The following GRID2 variants were observed in gnomAD, a reference collection of about 807,000 sequenced individuals.
GRID2 encodes glutamate ionotropic receptor delta type subunit 2.
GRID2 carries 33 observed loss-of-function variants against 114.8 expected under a neutral mutation model. The observed-to-expected ratio is 0.29, with a 90% CI of 0.22 to 0.38. GRID2 has a LOEUF of 0.38. Ranked by LOEUF, GRID2 falls within the 10% of genes least tolerant of loss-of-function variation. The pLI is 1.00. For missense variants in GRID2, 1,184 were observed against 1,257.7 expected (o/e 0.94, Z 0.89); for synonymous variants, 505 against 449.9 (o/e 1.12, Z -1.55).
intron 2 of GRID2, among the ~76,000 whole-genome samples, chr4:92,634,020 G>T (rs146878135): frequency 2.0e-3 from 297 of 151,746 alleles, no homozygotes; most frequent in Non-Finnish European, 3.3e-3. Context: ...TATAGCAGGG[G>T]TGTCCAATCT....
intron 1 of GRID2, among the ~76,000 whole-genome samples, chr4:92,547,080 G>C (rs1376804986): frequency 6.6e-6 from 1 of 152,110 alleles, no homozygotes; most frequent in Admixed American, 6.5e-5. Context: ...AAAAATAGGA[G>C]GGTTTCTGTA....
chr4:93,588,348 G>A (rs1008519983), intron 13 of GRID2, among the ~76,000 whole-genome samples: 5 of 151,990 alleles, frequency 3.3e-5, no homozygotes, highest in East Asian at 1.9e-4. Context: ...TCATTATGTT[G>A]TAAATGTTTT....
chr4:93,420,947 G>A (rs1271473918), intron 9 of GRID2, among the ~76,000 whole-genome samples: 1 of 152,020 alleles, frequency 6.6e-6, no homozygotes, highest in East Asian at 1.9e-4. Flanking sequence ...TAGAGACGGG[G>A]TTTCACCATG....
chr4:92,436,008 T>G lies in GRID2; in HGVS notation c.88+131264T>G, dbSNP rs118121223. Among the ~76,000 whole-genome samples, 58 of 152,298 alleles carry G rather than the reference T, an allele frequency of 3.8e-4. 1 individual carries two copies. In the East Asian group the frequency reaches 7.5e-3, roughly 20 times the overall value. ...GGAATTGGTGTGCCATGTGAGAAGA[T>G]AATAGCAGGCATATGAGACTTCACA... On this transcript the variant is annotated intron_variant, in intron 1 of 15. Coordinates refer to ENST00000282020, the MANE Select transcript of GRID2 (RefSeq NM_001510.4).
chr4:93,602,723 G>C (rs962024854), intron 13 of GRID2, among the ~76,000 whole-genome samples: 8 of 152,104 alleles, frequency 5.3e-5, no homozygotes, highest in Non-Finnish European at 1.5e-5. Flanking sequence ...TTTGAAATTA[G>C]GCCAATTAAT....
intron 4 of GRID2, among the ~76,000 whole-genome samples, chr4:93,138,916 T>G (rs1029438558): frequency 1.3e-5 from 2 of 152,236 alleles, no homozygotes; most frequent in African/African-American, 4.8e-5. Flanking sequence ...GTCATCTCCG[T>G]ACTCCTCAGA....
chr4:92,600,341 T>C (rs778902161), intron 2 of GRID2, among the ~76,000 whole-genome samples: 1 of 151,744 alleles, frequency 6.6e-6, no homozygotes, highest in Non-Finnish European at 1.5e-5. Context: ...GATTAAAAAT[T>C]AATACACAAA....
intron 2 of GRID2, among the ~76,000 whole-genome samples, chr4:92,657,600 G>A (rs1404759271): frequency 2.0e-5 from 3 of 150,672 alleles, no homozygotes; most frequent in Non-Finnish European, 3.0e-5. Context: ...GTGTCATTTC[G>A]ATGCCAGAGT....
intron 2 of GRID2, among the ~76,000 whole-genome samples, chr4:92,619,215 T>C (rs930967278): frequency 1.3e-5 from 2 of 151,756 alleles, no homozygotes; most frequent in African/African-American, 4.8e-5. Flanking sequence ...TCAGGCACTA[T>C]GTTGGCATGC....
intron 2 of GRID2, among the ~76,000 whole-genome samples, chr4:92,754,123 A>T (rs1737593173): frequency 6.6e-6 from 1 of 152,192 alleles, no homozygotes; most frequent in Admixed American, 6.5e-5. Flanking sequence ...ATTAACACAG[A>T]TCCCTTAATT....
chr4:92,668,789 A>T (rs1236756920), intron 2 of GRID2, among the ~76,000 whole-genome samples: 1 of 151,740 alleles, frequency 6.6e-6, no homozygotes, highest in Admixed American at 6.6e-5. Context: ...TGCTTCCTCC[A>T]CTCTGCTTAC....
intron 11 of GRID2, among the ~76,000 whole-genome samples, chr4:93,470,694 T>G (rs1479678993): frequency 1.3e-5 from 2 of 152,088 alleles, no homozygotes; most frequent in Non-Finnish European, 2.9e-5. Flanking sequence ...TCAATGTAGT[T>G]TCATAAACTT....
At chr4:93,260,483 C>G (rs1211223572) in intron 8 of GRID2, among the ~76,000 whole-genome samples, 1 of 151,432 alleles carries the variant, frequency 6.6e-6, no homozygotes, top group Non-Finnish European at 1.5e-5. Context: ...AGGGTGACAG[C>G]CTTTGCATAC....
In GRID2 at chr4:92,736,035, T is replaced by C. The variant is rs1409257064; in HGVS notation, c.244+145749T>C. On this transcript the variant is annotated intron_variant, in intron 2 of 15. Coordinates refer to ENST00000282020, the MANE Select transcript of GRID2 (RefSeq NM_001510.4). ...TTCTAATCTCTGGAACCTGCAAATA[T>C]GTTAACTTACATGACAAAAGGATTT... Among the ~76,000 whole-genome samples the C allele has an allele frequency of 2.6e-5, 4 of 152,210 alleles. No individual in the cohort carries two copies. The East Asian group carries it at 5.8e-4, about 22-fold the overall frequency.
At chr4:92,554,821 A>G (rs1726771156) in intron 1 of GRID2, among the ~76,000 whole-genome samples, 1 of 152,180 alleles carries the variant, frequency 6.6e-6, no homozygotes. Flanking sequence ...TCCAACTTCT[A>G]GCTCTATCGT....
chr4:92,410,757 G>T (rs1290315771), intron 1 of GRID2, among the ~76,000 whole-genome samples: 1 of 149,494 alleles, frequency 6.7e-6, no homozygotes, highest in Non-Finnish European at 1.5e-5. Context: ...TCAGAATTCA[G>T]AAAAAATTGT....
At chr4:92,949,138 G>GTGTGTGTGTGTGTC (rs948098320) in intron 2 of GRID2, among the ~76,000 whole-genome samples, 1 of 151,538 alleles carries the variant, frequency 6.6e-6, no homozygotes, top group Non-Finnish European at 1.5e-5. Flanking sequence ...GAAAATGTGT[G>GTGTGTGTGTGTGTC]TGTGTGTGTG....
chr4:92,917,766 T>C (rs1156398054), intron 2 of GRID2, among the ~76,000 whole-genome samples: 1 of 152,304 alleles, frequency 6.6e-6, no homozygotes, highest in East Asian at 1.9e-4. Context: ...TGTAGTATAG[T>C]TTGAAGTCAG....
intron 2 of GRID2, among the ~76,000 whole-genome samples, chr4:93,030,651 C>T (rs559118221): frequency 3.3e-5 from 5 of 152,172 alleles, no homozygotes; most frequent in East Asian, 3.9e-4. Context: ...TCCCAAAGTG[C>T]GGGGATTACA....
Sources: gnomAD v4.1 joint callset for allele counts (sites outside exome capture counted in the v4.1 genomes callset) on GRCh38, gnomAD v4.1.1 for gene constraint, MANE v1.5 for transcripts, NCBI Gene and HGNC (gene_info 2026-07-23, HGNC 2026-07-21) for gene names.